The following TMTC4 variants were observed in gnomAD, a reference collection of about 807,000 sequenced individuals.
TMTC4 encodes transmembrane O-mannosyltransferase targeting cadherins 4, also known as protein O-mannosyl-transferase TMTC4.
A neutral mutation model predicts 86.0 loss-of-function variants in TMTC4; 65 were observed. That is an observed-to-expected ratio of 0.76 (90% CI 0.62 to 0.93). The LOEUF (loss-of-function observed/expected upper bound fraction) is 0.93. TMTC4 is among the 40% of genes least tolerant of loss of function. The pLI, the probability that TMTC4 is intolerant of heterozygous loss-of-function variation, is 0.00. For missense variants in TMTC4, 866 were observed against 948.1 expected, an observed-to-expected ratio of 0.91 and a Z score of 1.14; for synonymous variants, 379 against 382.5, an observed-to-expected ratio of 0.99 and a Z score of 0.11.
chr13:100,618,075 G>A (rs1000224872), intron 15 of TMTC4, among the ~76,000 whole-genome samples: 3 of 152,092 alleles, frequency 2.0e-5, no homozygotes, highest in African/African-American at 7.2e-5. Context: ...GAATTCCCAG[G>A]TATTTTATCC....
Position 100,664,304 on chromosome 13 carries a change from C to A in TMTC4, c.252G>T (p.Leu84=). 1.9e-6 allele frequency: 3 copies of A among 1,611,464 alleles called. No homozygotes were observed. Among genetic ancestry groups the A allele is most frequent in the Non-Finnish European group, 2.5e-6 (3 of 1,178,692 alleles). Residue 84 remains leucine, a synonymous_variant, in exon 4 of 19, where the codon CTG becomes CTT. Coordinates refer to ENST00000342624, the MANE Select transcript of TMTC4 (RefSeq NM_032813.5). ...TACTGCCCCAGAAGTCATGATGCCA[C>A]AGGTCCCCCAGGGGCGTTTCTGCTT... ...DLQAETPLGD[L]WHHDFWGSRL...
intron 7 of TMTC4, 33 bp from the exon 8 acceptor site, chr13:100,638,055 G>A (rs770577683): frequency 9.5e-6 from 15 of 1,573,580 alleles, no homozygotes; most frequent in Non-Finnish European, 1.3e-5. Context: ...TCAGCCACGG[G>A]AGAGCTTGGC....
chr13:100,664,370 G>A (rs1886159018), intron 3 of TMTC4, 34 bp from the exon 4 acceptor site: 2 of 1,537,152 alleles, frequency 1.3e-6, no homozygotes, highest in Non-Finnish European at 1.8e-6. Flanking sequence ...TCTGGACAAG[G>A]GTCTCCCATC....
Position 100,663,004 on chromosome 13 carries a change from G to A in TMTC4, c.512C>T (p.Ala171Val), listed in dbSNP as rs1566639334. 6.2e-7 allele frequency: 1 copy of A among 1,614,134 alleles called. No homozygotes were observed. Among genetic ancestry groups the A allele is most frequent in the South Asian group, 1.1e-5 (1 of 91,074 alleles). ...AGGATGGACAGCAAACAGCAGCGCGGCCAGCAGGGACGCCCTGGGGGCGAG... is the reference window on the plus strand; with the variant it reads ...AGGATGGACAGCAAACAGCAGCGCGACCAGCAGGGACGCCCTGGGGGCGAG... ...LHLAPRASLL[A>V]ALLFAVHPVH... is the part of the protein sequence containing the mutation. Residue 171 changes from alanine (A) to valine (V), a missense_variant, in exon 5 of 19, where the codon GCC becomes GTC. Ala to Val is a moderately conservative substitution (Grantham distance 64). Transcript: ENST00000342624.
intron 17 of TMTC4, among the ~76,000 whole-genome samples, chr13:100,610,843 G>A (rs1205126386): frequency 1.3e-5 from 2 of 152,150 alleles, no homozygotes; most frequent in African/African-American, 4.8e-5. Context: ...CTGAGACTTG[G>A]GACCTGTCCC....
chr13:100,668,996 C>T (rs1002343285), intron 2 of TMTC4, among the ~76,000 whole-genome samples: 1 of 152,210 alleles, frequency 6.6e-6, no homozygotes, highest in Non-Finnish European at 1.5e-5. Flanking sequence ...GGTCCGACCA[C>T]AGGATCTATC....
In TMTC4 at chr13:100,614,530, AAAC is replaced by A. The variant is rs566108192; in HGVS notation, c.1837-103_1837-101del. Reference sequence around the variant, plus strand: ...AAAAAAAAGAAAGAAAAAGCCCAACAAACAACAATAAAAAACCAAAACCTAACT... The same window carrying A: ...AAAAAAAAGAAAGAAAAAGCCCAACAAACAATAAAAAACCAAAACCTAACT... On this transcript the variant is annotated intron_variant, in intron 15 of 18. Transcript: ENST00000342624. 4.4e-4 allele frequency: 421 copies of A among 959,372 alleles called. 3 individuals are homozygous for A. The African/African-American group carries it at 6.1e-3, about 14-fold the overall frequency. The allele number at this position is 959,372 out of a possible 1,614,324, so 59.4% of individuals were successfully genotyped here.
At chr13:100,621,275 G>C (rs1033016812) in intron 15 of TMTC4, among the ~76,000 whole-genome samples, 1 of 152,156 alleles carries the variant, frequency 6.6e-6, no homozygotes, top group Non-Finnish European at 1.5e-5. Context: ...GCAGTGACGG[G>C]CAGCTACTAG....
chr13:100,619,023 C>T (rs927883378), intron 15 of TMTC4, among the ~76,000 whole-genome samples: 11 of 152,290 alleles, frequency 7.2e-5, no homozygotes, highest in South Asian at 2.1e-4. Flanking sequence ...CCAGATGGGG[C>T]GGCCGGCCGG....
chr13:100,637,089 C>T (rs1882335547), intron 9 of TMTC4, among the ~76,000 whole-genome samples: 1 of 152,130 alleles, frequency 6.6e-6, no homozygotes, highest in Non-Finnish European at 1.5e-5. Flanking sequence ...TGGCTGTTCT[C>T]TTGATTTTGG....
intron 17 of TMTC4, among the ~76,000 whole-genome samples, chr13:100,612,172 C>T (rs1019233589): frequency 2.0e-5 from 3 of 152,246 alleles, no homozygotes; most frequent in South Asian, 2.1e-4. Flanking sequence ...CCTCTCTCCA[C>T]GTGTGAACCA....
intron 15 of TMTC4, 86 bp from the exon 16 acceptor site, chr13:100,614,516 AG>A (rs1787338757): frequency 9.2e-7 from 1 of 1,082,974 alleles, no homozygotes; most frequent in East Asian, 2.5e-5. Flanking sequence ...AAAAAAAGAA[AG>A]AAAAAGCCCA....
chr13:100,656,357 TAAG>T, intron 6 of TMTC4, 21 bp downstream of exon 6: 2 of 1,595,212 alleles, frequency 1.3e-6, no homozygotes, highest in Non-Finnish European at 1.7e-6. Context: ...GGTGGAAAAT[TAAG>T]AAGGCAAACA....
chr13:100,654,550 A>G (rs1322961866), intron 6 of TMTC4, among the ~76,000 whole-genome samples: 1 of 152,078 alleles, frequency 6.6e-6, no homozygotes, highest in East Asian at 1.9e-4. Flanking sequence ...ATATTTGGAA[A>G]TAATTTTATA....
At chr13:100,646,593 C>G (rs1428882312) in intron 6 of TMTC4, among the ~76,000 whole-genome samples, 1 of 152,170 alleles carries the variant, frequency 6.6e-6, no homozygotes, top group African/African-American at 2.4e-5. Flanking sequence ...TGAGCCCAAG[C>G]CTGTCTCCCT....
intron 5 of TMTC4, among the ~76,000 whole-genome samples, chr13:100,656,916 T>C (rs1885189857): frequency 6.6e-6 from 1 of 152,164 alleles, no homozygotes; most frequent in African/African-American, 2.4e-5. Flanking sequence ...AAATACATGA[T>C]GTAGCTGTGC....
intron 1 of TMTC4, 170 bp downstream of exon 1, chr13:100,674,574 C>G (rs565336183): frequency 4.1e-6 from 4 of 982,368 alleles, no homozygotes; most frequent in Non-Finnish European, 4.8e-6. Context: ...GACCCCGGCC[C>G]GGGCCGCAGC....
At chr13:100,656,057 C>G (rs548808288) in intron 6 of TMTC4, among the ~76,000 whole-genome samples, 2 of 152,310 alleles carry the variant, frequency 1.3e-5, no homozygotes, top group East Asian at 3.9e-4. Flanking sequence ...AACAGGACAG[C>G]CTGTCCTGGA....
At chr13:100,634,029 C>T (rs1594293123) in intron 12 of TMTC4, among the ~76,000 whole-genome samples, 1 of 151,970 alleles carries the variant, frequency 6.6e-6, no homozygotes, top group African/African-American at 2.4e-5. Context: ...AATCTAGCTA[C>T]TCAGGAGGCT....
Sources: allele counts gnomAD v4.1 joint callset (sites outside exome capture counted in the v4.1 genomes callset), GRCh38; gene constraint gnomAD v4.1.1; transcripts MANE v1.5; gene names NCBI Gene and HGNC (gene_info 2026-07-23, HGNC 2026-07-21).